DNAJA3: variants seen among roughly 807,000 people sequenced by gnomAD.
The protein encoded by DNAJA3 is dnaJ homolog subfamily A member 3, mitochondrial.
Under a neutral mutation model 54.9 loss-of-function variants are expected in DNAJA3, and 29 were observed. That is an observed-to-expected ratio of 0.53 (90% CI 0.39 to 0.72). The LOEUF (loss-of-function observed/expected upper bound fraction) is 0.72. DNAJA3 is among the 30% of genes least tolerant of loss of function. The pLI is 0.00. For synonymous variants in DNAJA3, 302 were observed against 251.4 expected (o/e 1.20, Z -1.90); for missense variants, 708 against 639.4 (o/e 1.11, Z -1.16).
rs549250791 is a variant in DNAJA3, at chr16:4,432,880, G to T, written c.212-1504G>T. On this transcript the variant is annotated intron_variant, in intron 1 of 11. Coordinates refer to ENST00000262375, the MANE Select transcript of DNAJA3 (RefSeq NM_005147.6). ...AAGCCTGCCGGGCACGGTGGCTCAC[G>T]CCGGTAATCCCAGCACTTTGGGAGG... Among the ~76,000 whole-genome samples the T allele has an allele frequency of 3.9e-5, 6 of 151,980 alleles. No homozygotes were observed. In the East Asian group the frequency reaches 1.2e-3, roughly 30 times the overall value.
At chr16:4,432,271 C>A (rs1373161843) in intron 1 of DNAJA3, among the ~76,000 whole-genome samples, 1 of 151,252 alleles carries the variant, frequency 6.6e-6, no homozygotes, top group African/African-American at 2.4e-5. Context: ...GATCCTCACG[C>A]CTCAGGTTCC....
At chr16:4,438,504 G>A (rs1304817160) in intron 3 of DNAJA3, among the ~76,000 whole-genome samples, 1 of 152,028 alleles carries the variant, frequency 6.6e-6, no homozygotes, top group Non-Finnish European at 1.5e-5. Flanking sequence ...AAAAGTAGAA[G>A]CCCATTATTG....
rs1371045901 is a variant in DNAJA3 at position 4,443,089 on chromosome 16, A to G, written c.856A>G (p.Ile286Val). 1.4e-5 allele frequency: 23 copies of G among 1,614,034 alleles called. No homozygotes were observed. The highest frequency in any genetic ancestry group is 7.7e-5 in the South Asian group (7 of 91,080). Reference protein sequence around the residue: ...RRCGGRGSIIISPCVVCRGAG... With the variant: ...RRCGGRGSIIVSPCVVCRGAG... The stretch of plus-strand genomic sequence containing the variant: ...ATGTGGTGGCCGCGGCTCCATCATC[A>G]TATCGCCCTGTGTGGTCTGCAGGGG... Residue 286 changes from isoleucine to valine, a missense_variant, in exon 6 of 12, where the codon ATA becomes GTA. Transcript: ENST00000262375.
chr16:4,444,319 C>T lies in DNAJA3; in HGVS notation c.932-345C>T, dbSNP rs149048405. ...TGTGGGAGGTCTCACAATAACTGCT[C>T]CCTTTCTTTTTTTTCTTTTTCTTTT... On this transcript the variant is annotated intron_variant, in intron 6 of 11. Transcript: ENST00000262375. Among the ~76,000 whole-genome samples, 606 of 151,712 alleles carry T rather than the reference C, an allele frequency of 4.0e-3. 1 individual carries two copies. The highest frequency in any genetic ancestry group is 0.014 in the African/African-American group (568 of 41,422).
At chr16:4,451,516 G>A (rs1056911572) in intron 10 of DNAJA3, among the ~76,000 whole-genome samples, 5 of 151,904 alleles carry the variant, frequency 3.3e-5, no homozygotes, top group Non-Finnish European at 5.9e-5. Context: ...CAGCACTTTG[G>A]GAGGCAGGGG....
chr16:4,434,747 T>G (rs1175984234), intron 2 of DNAJA3, among the ~76,000 whole-genome samples: 1 of 151,564 alleles, frequency 6.6e-6, no homozygotes, highest in Non-Finnish European at 1.5e-5. Context: ...TTTTAAGAAG[T>G]TTTTTTTTCT....
chr16:4,452,354 G>C (rs2056988721), intron 10 of DNAJA3, among the ~76,000 whole-genome samples: 1 of 152,120 alleles, frequency 6.6e-6, no homozygotes, highest in African/African-American at 2.4e-5. Context: ...CATCAGGGTA[G>C]CTTGAGGTGT....
intron 10 of DNAJA3, among the ~76,000 whole-genome samples, chr16:4,454,455 G>A (rs1165375862): frequency 1.3e-5 from 2 of 152,188 alleles, no homozygotes; most frequent in African/African-American, 4.8e-5. Flanking sequence ...TTGCCTGTAA[G>A]GAAGTGTATG....
Position 4,448,734 on chromosome 16 carries a change from T to TC in DNAJA3, c.1133dup (p.Gly379TrpfsTer19). The TC allele has an allele frequency of 6.2e-7, 1 of 1,612,144 alleles. No homozygotes were observed. The highest frequency in any genetic ancestry group is 8.5e-7 in the Non-Finnish European group (1 of 1,178,642). On this transcript the variant is annotated frameshift_variant and splice_region_variant, in exon 9 of 12. Coordinates refer to ENST00000262375, the MANE Select transcript of DNAJA3 (RefSeq NM_005147.6). LOFTEE classifies it high-confidence loss of function. ...ACCACAGATTTTCTTTCTTTATAGA[T>TC]CCCCCCTGGGACTCAGACAGACCAG...
chr16:4,441,688 CT>C, intron 4 of DNAJA3, 113 bp downstream of exon 4: 1 of 982,194 alleles, frequency 1.0e-6, no homozygotes, highest in South Asian at 1.6e-5. Flanking sequence ...ATGGAGTGAT[CT>C]GGAGGCAGCC....
Position 4,426,065 on chromosome 16 carries a change from A to G in DNAJA3, c.184A>G (p.Thr62Ala), listed in dbSNP as rs759632138. ...CTCTTGCGGCCCCCGAGCGCTGCTG[A>G]CATTGAGACCTGGTGTCAGCCTTAC... ...LTSCGPRALL[T>A]LRPGVSLTGT... Residue 62 changes from threonine (T) to alanine (A), a missense_variant, in exon 1 of 12, where the codon ACA (threonine) becomes GCA (alanine). Coordinates refer to ENST00000262375, the MANE Select transcript of DNAJA3 (RefSeq NM_005147.6). 3 of 1,602,076 alleles carry G rather than the reference A, an allele frequency of 1.9e-6. No individual in the cohort carries two copies. In the African/African-American group the frequency reaches 4.1e-5, roughly 22 times the overall value.
At chr16:4,443,818 C>A (rs980405246) in intron 6 of DNAJA3, among the ~76,000 whole-genome samples, 3 of 152,154 alleles carry the variant, frequency 2.0e-5, no homozygotes, top group Non-Finnish European at 4.4e-5. Context: ...TCCCAAGGAG[C>A]TGGGACTACA....
chr16:4,443,180 C>G lies in DNAJA3; in HGVS notation c.931+16C>G. Reference sequence around the variant, plus strand: ...GTGCCTGCAGGTGGGTGCTTGGGCCCGCCATGTCCAGGAGCTTGGAGAGGG... The same window carrying G: ...GTGCCTGCAGGTGGGTGCTTGGGCCGGCCATGTCCAGGAGCTTGGAGAGGG... On this transcript the variant is annotated intron_variant, in intron 6 of 11. Transcript: ENST00000262375. 3.7e-6 allele frequency: 6 copies of G among 1,613,416 alleles called. No individual in the cohort carries two copies. The highest frequency in any genetic ancestry group is 5.1e-6 in the Non-Finnish European group (6 of 1,179,818).
At chr16:4,453,234 T>A (rs2141398004) in intron 10 of DNAJA3, among the ~76,000 whole-genome samples, 1 of 151,980 alleles carries the variant, frequency 6.6e-6, no homozygotes. Flanking sequence ...TAGTTTTTGA[T>A]GCGTTTAGTA....
At chr16:4,434,548 A>G in intron 2 of DNAJA3, 31 bp downstream of exon 2, 1 of 1,603,158 alleles carries the variant, frequency 6.2e-7, no homozygotes, top group South Asian at 1.1e-5. Context: ...TTGGTGACCA[A>G]ATTGTAGTAG....
intron 1 of DNAJA3, among the ~76,000 whole-genome samples, chr16:4,427,782 C>G (rs1332013126): frequency 6.6e-6 from 1 of 152,216 alleles, no homozygotes; most frequent in African/African-American, 2.4e-5. Flanking sequence ...GATCCTCCAT[C>G]CTCAGCCTCC....
Position 4,455,494 on chromosome 16 carries a change from G to A in DNAJA3, c.*14-52G>A, listed in dbSNP as rs892327667. On this transcript the variant is annotated intron_variant, in intron 11 of 11. Transcript: ENST00000262375. The stretch of plus-strand genomic sequence containing the variant: ...ATTAACAGACGCTCCCCACAGGGGT[G>A]TGTTCCCTTGAAATGTTGAGTATAA... 2.8e-5 allele frequency: 44 copies of A among 1,545,636 alleles called. No individual in the cohort carries two copies. The Admixed American group carries it at 6.5e-4, about 23-fold the overall frequency.
chr16:4,439,056 G>C lies in DNAJA3; in HGVS notation c.429+1571G>C, dbSNP rs976477286. 3.6e-4 allele frequency among the ~76,000 whole-genome samples: 54 copies of C among 150,480 alleles called. 1 individual carries two copies. In the Admixed American group the frequency reaches 3.6e-3, roughly 10 times the overall value. ...TTTTTTTTCAAGAGTTGAGGTCTCA[G>C]CCAGGTGCAGTGGCTTACGTCTATA... On this transcript the variant is annotated intron_variant, in intron 3 of 11. Coordinates refer to ENST00000262375, the MANE Select transcript of DNAJA3 (RefSeq NM_005147.6).
Position 4,455,412 on chromosome 16 carries a change from T to C in DNAJA3, c.*14-134T>C. The C allele has an allele frequency of 8.5e-6, 9 of 1,060,630 alleles. No homozygotes were observed. The South Asian group carries it at 1.3e-4, about 16-fold the overall frequency. 65.7% of individuals were successfully genotyped at this position (1,060,630 alleles called of 1,614,324 possible). A position where few individuals can be genotyped will look rare whatever the true frequency, so the allele number is the denominator to read the frequency against. Reference sequence around the variant, plus strand: ...TCTTGGGACCCACTTTGGTTTATTATGCTCATCTCAGCAAGTGGGGTTCTC... The same window carrying C: ...TCTTGGGACCCACTTTGGTTTATTACGCTCATCTCAGCAAGTGGGGTTCTC... On this transcript the variant is annotated intron_variant, in intron 11 of 11. Coordinates refer to ENST00000262375, the MANE Select transcript of DNAJA3 (RefSeq NM_005147.6).
Sources: allele counts gnomAD v4.1 joint callset (sites outside exome capture counted in the v4.1 genomes callset), GRCh38; gene constraint gnomAD v4.1.1; transcripts MANE v1.5; gene names NCBI Gene and HGNC (gene_info 2026-07-23, HGNC 2026-07-21).